Variants in IMPG2 observed in about 807,000 individuals in gnomAD.
IMPG2 encodes the protein IPM 200.
A neutral mutation model predicts 129.2 loss-of-function variants in IMPG2; 91 were observed. That is an observed-to-expected ratio of 0.70 (90% CI 0.59 to 0.84). IMPG2 has a LOEUF of 0.84. Among genes scored for constraint, IMPG2 ranks in the 40% least tolerant of loss-of-function variants. IMPG2 has a pLI of 0.00. For synonymous variants in IMPG2, 510 were observed against 517.7 expected, an observed-to-expected ratio of 0.99 and a Z score of 0.20; for missense variants, 1,430 against 1,461.7, an observed-to-expected ratio of 0.98 and a Z score of 0.35.
chr3:101,313,988 G>A (rs186819846), intron 2 of IMPG2, among the ~76,000 whole-genome samples: 18 of 152,076 alleles, frequency 1.2e-4, no homozygotes, highest in African/African-American at 4.3e-4. Flanking sequence ...ACTAATAATA[G>A]ATGAAAAAAT....
chr3:101,303,599 C>T (rs1230332758), intron 3 of IMPG2, among the ~76,000 whole-genome samples: 1 of 152,142 alleles, frequency 6.6e-6, no homozygotes, highest in Non-Finnish European at 1.5e-5. Context: ...GGAAAAGTGG[C>T]AGGTAATTTG....
chr3:101,262,637 A>G lies in IMPG2; in HGVS notation c.909-4864T>C, dbSNP rs539535545. ...AAAATAAACAATGAGAGAAGAAATA[A>G]GGAACAAAGAATATACAAAACAACT... On this transcript the variant is annotated intron_variant, in intron 9 of 18. Coordinates refer to ENST00000193391, the MANE Select transcript of IMPG2 (RefSeq NM_016247.4). Among the ~76,000 whole-genome samples the G allele has an allele frequency of 5.7e-3, 860 of 152,116 alleles. 10 individuals carry two copies. The highest frequency in any genetic ancestry group is 0.02 in the African/African-American group (830 of 41,552).
At chr3:101,307,274 G>A (rs1444743713) in intron 2 of IMPG2, among the ~76,000 whole-genome samples, 1 of 152,144 alleles carries the variant, frequency 6.6e-6, no homozygotes. Context: ...CTCATTTTTG[G>A]TAGGAATGTA....
At chr3:101,256,144 G>GA (rs759655047) in intron 10 of IMPG2, among the ~76,000 whole-genome samples, 1,441 of 45,312 alleles carry the variant, frequency 0.032, 37 homozygotes, top group African/African-American at 0.1. Flanking sequence ...AAGAAAGAAA[G>GA]AAAAGAAAGA....
At chr3:101,262,841 A>G (rs553242931) in intron 9 of IMPG2, among the ~76,000 whole-genome samples, 2 of 151,988 alleles carry the variant, frequency 1.3e-5, no homozygotes, top group Admixed American at 6.6e-5. Context: ...ATAAATATCT[A>G]GAGTGAAGGG....
intron 14 of IMPG2, among the ~76,000 whole-genome samples, chr3:101,235,818 C>A (rs1354182150): frequency 2.6e-5 from 4 of 152,056 alleles, no homozygotes; most frequent in Non-Finnish European, 4.4e-5. Flanking sequence ...CAGCTTAAAA[C>A]AAGGATAGAT....
chr3:101,244,290 G>T lies in IMPG2; in HGVS notation c.2041C>A (p.Pro681Thr), dbSNP rs1327580941. Reference protein sequence around the residue: ...DRSTHFPEEEPLSGPAVPIFA... With the variant: ...DRSTHFPEEETLSGPAVPIFA... ...ATGGGCACAGCAGGCCCACTAAGAG[G>T]CTCTTCCTCTGGAAAGTGTGTGGAT... is the stretch of plus-strand genomic sequence containing the variant. Residue 681 changes from proline (P) to threonine (T), a missense_variant, in exon 13 of 19, where the codon CCT becomes ACT. Physicochemically the swap from Pro to Thr is conservative, Grantham distance 38. Coordinates refer to ENST00000193391, the MANE Select transcript of IMPG2 (RefSeq NM_016247.4). The T allele has an allele frequency of 1.2e-6, 2 of 1,613,906 alleles. No individual in the cohort carries two copies. The highest frequency in any genetic ancestry group is 1.3e-5 in the African/African-American group (1 of 74,918).
intron 3 of IMPG2, among the ~76,000 whole-genome samples, chr3:101,296,097 T>C (rs1485487023): frequency 1.3e-5 from 2 of 152,210 alleles, no homozygotes; most frequent in East Asian, 3.9e-4. Context: ...TCCAATACTA[T>C]GTTGAATAGG....
At position 101,245,831 on chromosome 3, in the gene IMPG2, C is replaced by G. The variant is rs939580020; in HGVS notation, c.1514G>C (p.Arg505Thr). 1 of 1,614,156 alleles carries G rather than the reference C, an allele frequency of 6.2e-7. No individual in the cohort carries two copies. The highest frequency in any genetic ancestry group is 8.5e-7 in the Non-Finnish European group (1 of 1,179,996). Residue 505 changes from arginine to threonine, a missense_variant, in exon 12 of 19, where the codon AGG becomes ACG. Physicochemically the swap from Arg to Thr is moderately conservative, Grantham distance 71 (BLOSUM62 -1). Transcript: ENST00000193391. ...TTCTACCAAGTGAGATCCAGAAGTCCTTTCCTCAGAAGCCACAGGCAAGCC... is the reference window on the plus strand; with the variant it reads ...TTCTACCAAGTGAGATCCAGAAGTCGTTTCCTCAGAAGCCACAGGCAAGCC... ...QTGLPVASEE[R>T]TSGSHLVEDG...
chr3:101,296,150 G>A (rs944937343), intron 3 of IMPG2, among the ~76,000 whole-genome samples: 2 of 152,164 alleles, frequency 1.3e-5, no homozygotes, highest in African/African-American at 4.8e-5. Context: ...GGTTTTCAAA[G>A]GGAATGTTTC....
chr3:101,260,661 A>G (rs909390407), intron 9 of IMPG2, among the ~76,000 whole-genome samples: 18 of 151,994 alleles, frequency 1.2e-4, no homozygotes, highest in African/African-American at 4.1e-4. Flanking sequence ...CAACCCTTAT[A>G]TCTTCCACAT....
intron 2 of IMPG2, among the ~76,000 whole-genome samples, chr3:101,312,425 C>T (rs554748307): frequency 2.6e-5 from 4 of 151,788 alleles, no homozygotes; most frequent in African/African-American, 7.3e-5. Flanking sequence ...AAAAGTTGAA[C>T]GTTATTAATC....
Position 101,267,612 on chromosome 3 carries a change from C to T in IMPG2, c.888-81G>A, listed in dbSNP as rs41273575. On this transcript the variant is annotated intron_variant, in intron 8 of 18. Coordinates refer to ENST00000193391, the MANE Select transcript of IMPG2 (RefSeq NM_016247.4). Reference sequence around the variant, plus strand: ...ATCATTCATCAAAGTGCAAGTTATTCATGTATTTCCTCTGAATTTCTTTGA... The same window carrying T: ...ATCATTCATCAAAGTGCAAGTTATTTATGTATTTCCTCTGAATTTCTTTGA... The T allele has an allele frequency of 0.011, 12,983 of 1,140,392 alleles. 1,008 individuals carry two copies. In the African/African-American group the frequency reaches 0.17, roughly 15 times the overall value. The allele number at this position is 1,140,392 out of a possible 1,614,324, so 70.6% of individuals were successfully genotyped here. A position where few individuals can be genotyped will look rare whatever the true frequency, so the allele number is the denominator to read the frequency against.
At chr3:101,310,981 T>A (rs1253161358) in intron 2 of IMPG2, among the ~76,000 whole-genome samples, 3 of 152,186 alleles carry the variant, frequency 2.0e-5, no homozygotes, top group South Asian at 2.1e-4. Flanking sequence ...ATTTAACCCT[T>A]TTATACCTTG....
rs1468013834 is a variant in IMPG2 at position 101,227,688 on chromosome 3, G to C, written c.3714-707C>G. On this transcript the variant is annotated intron_variant, in intron 18 of 18. Coordinates refer to ENST00000193391, the MANE Select transcript of IMPG2 (RefSeq NM_016247.4). ...TAAAAGGCAGACGCCTGGTGATATT[G>C]CTCTGGCTGCATTCAGCAAGACTGG... The C allele has an allele frequency of 1.2e-5, 5 of 422,110 alleles. No individual in the cohort carries two copies. The East Asian group carries it at 2.1e-4, about 18-fold the overall frequency. The allele number at this position is 422,110 out of a possible 1,614,324, so 26.1% of individuals were successfully genotyped here.
Position 101,243,876 on chromosome 3 carries a change from G to A in IMPG2, c.2455C>T (p.Pro819Ser). 1.2e-6 allele frequency: 2 copies of A among 1,614,156 alleles called. No individual in the cohort carries two copies. Among genetic ancestry groups the A allele is most frequent in the Non-Finnish European group, 1.7e-6 (2 of 1,180,008 alleles). ...WLSVTQSTKL[P>S]PTTISTLLED... Reference sequence around the variant, plus strand: ...AGCAGGGTGGAGATTGTGGTTGGAGGCAATTTGGTAGACTGTGTCACAGAT... The same window carrying A: ...AGCAGGGTGGAGATTGTGGTTGGAGACAATTTGGTAGACTGTGTCACAGAT... The change falls in exon 13 of 19, where the codon CCT (proline) becomes TCT (serine). Residue 819 changes from proline (P) to serine (S), a missense_variant. Coordinates refer to ENST00000193391, the MANE Select transcript of IMPG2 (RefSeq NM_016247.4).
intron 14 of IMPG2, among the ~76,000 whole-genome samples, chr3:101,239,805 G>A (rs113485950): frequency 3.0e-4 from 46 of 152,058 alleles, no homozygotes; most frequent in African/African-American, 1.0e-3. Context: ...TATTCTCAGC[G>A]AACTAACACA....
intron 2 of IMPG2, among the ~76,000 whole-genome samples, chr3:101,312,850 G>T (rs1256784728): frequency 6.6e-6 from 1 of 151,980 alleles, no homozygotes; most frequent in Non-Finnish European, 1.5e-5. Context: ...TATATTATAC[G>T]ATCTTATTTT....
At chr3:101,307,886 G>A (rs1383739355) in intron 2 of IMPG2, among the ~76,000 whole-genome samples, 1 of 152,168 alleles carries the variant, frequency 6.6e-6, no homozygotes, top group Non-Finnish European at 1.5e-5. Context: ...CCACCTATGA[G>A]CCTGTAAAAT....
Sources: allele counts gnomAD v4.1 joint callset (sites outside exome capture counted in the v4.1 genomes callset), GRCh38; gene constraint gnomAD v4.1.1; transcripts MANE v1.5; gene names NCBI Gene and HGNC (gene_info 2026-07-23, HGNC 2026-07-21).